The following MAPK8IP3 variants were observed in gnomAD, a reference collection of about 807,000 sequenced individuals.
The protein encoded by MAPK8IP3 is mitogen-activated protein kinase 8 interacting protein 3.
A neutral mutation model predicts 157.8 loss-of-function variants in MAPK8IP3; 49 were observed. The observed-to-expected ratio is 0.31, with a 90% CI of 0.25 to 0.39. The LOEUF (loss-of-function observed/expected upper bound fraction) is 0.39. Among genes scored for constraint, MAPK8IP3 ranks in the 10% least tolerant of loss-of-function variants. MAPK8IP3 has a pLI of 1.00. For synonymous variants in MAPK8IP3, 897 were observed against 777.7 expected, an observed-to-expected ratio of 1.15 and a Z score of -2.55; for missense variants, 1,478 against 1,889.4, an observed-to-expected ratio of 0.78 and a Z score of 4.04.
At chr16:1,717,377 A>G (rs895712511) in intron 1 of MAPK8IP3, among the ~76,000 whole-genome samples, 1 of 152,200 alleles carries the variant, frequency 6.6e-6, no homozygotes, top group Middle Eastern at 3.2e-3. Flanking sequence ...CTAAAAAGGG[A>G]ATCCTGTGGC....
intron 4 of MAPK8IP3, among the ~76,000 whole-genome samples, chr16:1,730,044 CA>C (rs58933347): frequency 0.022 from 1,033 of 46,942 alleles, no homozygotes; most frequent in Middle Eastern, 0.037. Flanking sequence ...CTTGTCTCTA[CA>C]AAAAAAAAAA....
rs1596765529 is a variant in MAPK8IP3, at chr16:1,760,175, G to A, written c.1304+160G>A. ...AGGAACTTGGAGCAGGACTCTGCCT[G>A]GTTTCTTTACGAAGCTTGTCTCCAG... On this transcript the variant is annotated intron_variant, in intron 11 of 31. Transcript: ENST00000610761. The A allele has an allele frequency of 3.1e-6, 3 of 982,644 alleles. No homozygotes were observed. In the East Asian group the frequency reaches 7.4e-5, roughly 24 times the overall value. The allele number at this position is 982,644 out of a possible 1,614,324, so 60.9% of individuals were successfully genotyped here.
intron 4 of MAPK8IP3, among the ~76,000 whole-genome samples, chr16:1,730,089 C>T (rs570554251): frequency 7.0e-6 from 1 of 143,702 alleles, no homozygotes; most frequent in Non-Finnish European, 1.5e-5. Context: ...TAAAAATTAG[C>T]TAAGCATGAG....
At chr16:1,753,546 T>C (rs939544568) in intron 8 of MAPK8IP3, among the ~76,000 whole-genome samples, 12 of 152,094 alleles carry the variant, frequency 7.9e-5, no homozygotes, top group South Asian at 6.2e-4. Flanking sequence ...GTTCACGCCA[T>C]TCTCCTGCCT....
chr16:1,729,251 G>A, intron 3 of MAPK8IP3, 43 bp downstream of exon 3: 7 of 1,604,178 alleles, frequency 4.4e-6, no homozygotes, highest in Non-Finnish European at 6.0e-6. Flanking sequence ...GTTGGAGACA[G>A]GGCCGCGGCC....
chr16:1,745,369 A>T (rs2040901460), intron 5 of MAPK8IP3: 1 of 159,922 alleles, frequency 6.3e-6, no homozygotes, highest in African/African-American at 2.4e-5. Flanking sequence ...CCTGTGACAC[A>T]TTGGGTAGAC....
rs149867552 is a variant in MAPK8IP3, at chr16:1,718,148, C to T, written c.319-6409C>T. On this transcript the variant is annotated intron_variant, in intron 1 of 31. Transcript: ENST00000610761. ...GATTACAGGTGTGAGCCACCAAGCC[C>T]GGCTGAAAATTCTTGGTTCTCTTAA... 5.7e-3 allele frequency among the ~76,000 whole-genome samples: 872 copies of T among 151,892 alleles called. 6 individuals are homozygous for T. Among genetic ancestry groups the T allele is most frequent in the African/African-American group, 0.02 (819 of 41,396 alleles).
Position 1,766,759 on chromosome 16 carries a change from G to C in MAPK8IP3, c.2976G>C (p.Lys992Asn). 1 of 1,612,914 alleles carries C rather than the reference G, an allele frequency of 6.2e-7. No individual in the cohort carries two copies. Reference protein sequence around the residue: ...YVHSAVANWKKCLHSIKLKDS... With the variant: ...YVHSAVANWKNCLHSIKLKDS... ...ACTCGGCTGTGGCCAACTGGAAGAA[G>C]TGCCTGCACTCCATCAAGCTGAAGG... is the stretch of plus-strand genomic sequence containing the variant. The change falls in exon 24 of 32, where the codon AAG (lysine) becomes AAC (asparagine). Residue 992 changes from lysine to asparagine, a missense_variant. Around this residue, in one of 11 missense-constraint regions of MAPK8IP3, gnomAD observed 669 missense variants for 759.8 expected, o/e 0.88. Coordinates refer to ENST00000610761, the MANE Select transcript of MAPK8IP3 (RefSeq NM_001318852.2).
In MAPK8IP3 at chr16:1,760,471, G is replaced by T; in HGVS notation, c.1396G>T (p.Ala466Ser). The stretch of plus-strand genomic sequence containing the variant: ...GGTGCTGAGGGGCGAGTTGGAGGCT[G>T]CTAAGCAGGCCAAAGTCAAGCTGGA... Reference protein sequence around the residue: ...QEVLRGELEAAKQAKVKLENR... With the variant: ...QEVLRGELEASKQAKVKLENR... Residue 466 changes from alanine to serine, a missense_variant, in exon 12 of 32, where the codon GCT (alanine) becomes TCT (serine). By Grantham distance (99) the Ala-to-Ser change is moderately conservative. Transcript: ENST00000610761. 1 of 1,613,990 alleles carries T rather than the reference G, an allele frequency of 6.2e-7. No individual in the cohort carries two copies. The highest frequency in any genetic ancestry group is 8.5e-7 in the Non-Finnish European group (1 of 1,179,930).
intron 1 of MAPK8IP3, among the ~76,000 whole-genome samples, chr16:1,719,687 A>AC (rs1555443525): frequency 6.7e-6 from 1 of 150,244 alleles, no homozygotes; most frequent in Non-Finnish European, 1.5e-5. Flanking sequence ...AAAAAAAAAA[A>AC]CCACAAAAAT....
In MAPK8IP3 at chr16:1,706,558, C is replaced by T. The variant is rs1454978191; in HGVS notation, c.219C>T (p.Asn73=). The change falls in exon 1 of 32, where the codon AAC becomes AAT. Residue 73 remains asparagine (N), a synonymous_variant. Transcript: ENST00000610761. The surrounding 1 kb of genome is among the most constrained non-coding windows in gnomAD (Gnocchi z 5.1). ...ACCTAGACTCGGTGCTCAGCGAGAA[C>T]CAGGAGCACGAGGTGGAGCTGGAGC... ...LENLDSVLSE[N]QEHEVELELL... 6.2e-7 allele frequency: 1 copy of T among 1,613,330 alleles called. No homozygotes were observed. Among genetic ancestry groups the T allele is most frequent in the African/African-American group, 1.3e-5 (1 of 74,898 alleles).
intron 10 of MAPK8IP3, among the ~76,000 whole-genome samples, chr16:1,759,225 C>T (rs2141912633): frequency 6.6e-6 from 1 of 152,304 alleles, no homozygotes. Flanking sequence ...GCCCCAGCCT[C>T]TCTGAACCCC....
rs1018257605 is a variant in MAPK8IP3, at chr16:1,743,903, A to G, written c.747+427A>G. 405 of 1,044,318 alleles carry G rather than the reference A, an allele frequency of 3.9e-4. No homozygotes were observed. Among genetic ancestry groups the G allele is most frequent in the Non-Finnish European group, 4.5e-4 (392 of 866,994 alleles). 64.7% of individuals were successfully genotyped at this position (1,044,318 alleles called of 1,614,324 possible). ...TACTCTCGGAGGAACGTCAGTGTCT[A>G]GAGTGTGGGGTTTGCCCTCCGTTGG... On this transcript the variant is annotated intron_variant, in intron 5 of 31. Transcript: ENST00000610761. This position sits in a 1 kb window ranked among gnomAD's most constrained non-coding sequence, Gnocchi z 5.6.
At chr16:1,760,301 TGCAGG>T in intron 11 of MAPK8IP3, 74 bp from the exon 12 acceptor site, 2 of 1,525,878 alleles carry the variant, frequency 1.3e-6, no homozygotes, top group Non-Finnish European at 1.8e-6. Flanking sequence ...AGGGCGGAAG[TGCAGG>T]CGCCCCTGGC....
Position 1,743,363 on chromosome 16 carries a change from T to C in MAPK8IP3, c.634T>C (p.Phe212Leu). 4 of 1,575,152 alleles carry C rather than the reference T, an allele frequency of 2.5e-6. No individual in the cohort carries two copies. The highest frequency in any genetic ancestry group is 2.5e-5 in the East Asian group (1 of 40,512). The change falls in exon 5 of 32, where the codon TTC (phenylalanine) becomes CTC (leucine). Residue 212 changes from phenylalanine (F) to leucine (L), a missense_variant. This residue lies in a region of MAPK8IP3 where 315 missense variants were observed against 394.4 expected (regional missense o/e 0.80). Transcript: ENST00000610761. This position sits in a 1 kb window ranked among gnomAD's most constrained non-coding sequence, Gnocchi z 5.6. ...GGAGCGCCCCACCTCCCTGAACGTG[T>C]TCCCCCTGGCTGACGGCACGGTACG... ...RKERPTSLNV[F>L]PLADGTVRAQ...
chr16:1,750,895 C>T (rs922581674), intron 8 of MAPK8IP3, among the ~76,000 whole-genome samples: 20 of 152,216 alleles, frequency 1.3e-4, no homozygotes, highest in African/African-American at 3.1e-4. Flanking sequence ...CCACCCGCCT[C>T]GGCCTCCCAG....
At chr16:1,716,105 G>A (rs959892344) in intron 1 of MAPK8IP3, among the ~76,000 whole-genome samples, 5 of 152,054 alleles carry the variant, frequency 3.3e-5, no homozygotes, top group East Asian at 1.9e-4. Context: ...CCTGTTGATC[G>A]CCCTGTGAAA....
chr16:1,723,606 C>T (rs558423415), intron 1 of MAPK8IP3, among the ~76,000 whole-genome samples: 41 of 152,154 alleles, frequency 2.7e-4, no homozygotes, highest in African/African-American at 8.7e-4. Context: ...AGAGACAGAG[C>T]GAGACTCTCT....
intron 4 of MAPK8IP3, among the ~76,000 whole-genome samples, chr16:1,736,934 CCG>C (rs2039957467): frequency 9.8e-5 from 5 of 51,020 alleles, no homozygotes; most frequent in Admixed American, 3.4e-4. Context: ...ATGTGAGCAT[CCG>C]TGACCGTCCA....
Sources: gnomAD v4.1 joint callset for allele counts (sites outside exome capture counted in the v4.1 genomes callset) on GRCh38, gnomAD v4.1.1 for gene constraint, gnomAD v4.1.1 regional missense constraint, Gnocchi (gnomAD v3.1) non-coding constraint, MANE v1.5 for transcripts, NCBI Gene and HGNC (gene_info 2026-07-23, HGNC 2026-07-21) for gene names.